USP25: variants seen among roughly 807,000 people sequenced by gnomAD.
USP25 encodes the protein ubiquitin carboxyl-terminal hydrolase 25.
USP25 carries 85 observed loss-of-function variants against 158.5 expected under a neutral mutation model. The ratio of observed to expected loss-of-function variants is 0.54; its 90% CI spans 0.45 to 0.64. The LOEUF (loss-of-function observed/expected upper bound fraction) is 0.64, where lower values mean the gene tolerates loss of function less well. Ranked by LOEUF, USP25 falls within the 30% of genes least tolerant of loss-of-function variation. The pLI is 0.00. For missense variants in USP25, 1,242 were observed against 1,327.3 expected (o/e 0.94, Z 1.00); for synonymous variants, 464 against 460.4 (o/e 1.01, Z -0.10).
At chr21:15,780,390 CT>C (rs1248587177) in intron 4 of USP25, among the ~76,000 whole-genome samples, 1 of 152,054 alleles carries the variant, frequency 6.6e-6, no homozygotes, top group Admixed American at 6.5e-5. Context: ...TTTATTATCT[CT>C]TGATTATCAC....
chr21:15,821,445 G>A (rs911977493), intron 10 of USP25, among the ~76,000 whole-genome samples: 1 of 151,796 alleles, frequency 6.6e-6, no homozygotes, highest in African/African-American at 2.4e-5. Context: ...AGAATCTTTG[G>A]GTCACAGGGC....
At chr21:15,823,670 T>G (rs182188451) in intron 10 of USP25, among the ~76,000 whole-genome samples, 1 of 152,242 alleles carries the variant, frequency 6.6e-6, no homozygotes, top group Admixed American at 6.5e-5. Context: ...ATGCTTTGGT[T>G]AAGTATAAGT....
chr21:15,856,643 T>C (rs990675092), intron 20 of USP25, among the ~76,000 whole-genome samples: 1 of 152,106 alleles, frequency 6.6e-6, no homozygotes, highest in African/African-American at 2.4e-5. Context: ...GGCTAATTTT[T>C]TGTATTTTTA....
intron 9 of USP25, among the ~76,000 whole-genome samples, chr21:15,814,503 TTTGACAAAAATG>T (rs1355373754): frequency 1.7e-4 from 26 of 152,272 alleles, no homozygotes; most frequent in African/African-American, 6.3e-4. Flanking sequence ...GTTGAATGGC[TTTGACAAAAATG>T]CTGATAGTGA....
In USP25 at chr21:15,877,864, T is replaced by C. The variant is rs771404854; in HGVS notation, c.3078T>C (p.Ile1026=). The C allele has an allele frequency of 3.7e-6, 6 of 1,613,500 alleles. No individual in the cohort carries two copies. Among genetic ancestry groups the C allele is most frequent in the Admixed American group, 3.3e-5 (2 of 59,962 alleles). ...ATCGAGAAGTAAACAATGGTTTGAT[T>C]ATCATGAATGAGTTTATTGTCCCAT... is the stretch of plus-strand genomic sequence containing the variant. The part of the protein sequence containing the change: ...GEDREVNNGL[I]IMNEFIVPFL... Residue 1026 remains isoleucine, a synonymous_variant, in exon 25 of 26, where the codon ATT becomes ATC. Coordinates refer to ENST00000400183, the MANE Select transcript of USP25 (RefSeq NM_001283041.3).
intron 8 of USP25, among the ~76,000 whole-genome samples, chr21:15,810,135 C>T (rs1275885002): frequency 1.3e-5 from 2 of 152,050 alleles, no homozygotes; most frequent in Non-Finnish European, 2.9e-5. Context: ...TACATTTTAT[C>T]ACAGTTTTAA....
intron 10 of USP25, among the ~76,000 whole-genome samples, chr21:15,822,674 G>A (rs2037292041): frequency 6.6e-6 from 1 of 151,884 alleles, no homozygotes. Flanking sequence ...TGATGTGTCT[G>A]GGGTAATGTT....
intron 14 of USP25, among the ~76,000 whole-genome samples, chr21:15,829,190 C>A (rs2037677300): frequency 6.6e-6 from 1 of 151,806 alleles, no homozygotes; most frequent in Non-Finnish European, 1.5e-5. Flanking sequence ...TTCAGGGGTA[C>A]ATGTGCAGGT....
At chr21:15,877,757 C>T in intron 24 of USP25, 39 bp from the exon 25 acceptor site, 2 of 1,453,214 alleles carry the variant, frequency 1.4e-6, no homozygotes, top group Admixed American at 2.3e-5. Flanking sequence ...AAAAAGGAAA[C>T]AAAAACCTAT....
intron 3 of USP25, among the ~76,000 whole-genome samples, chr21:15,767,340 AT>A (rs1464316778): frequency 1.3e-5 from 2 of 152,042 alleles, no homozygotes; most frequent in South Asian, 2.1e-4. Flanking sequence ...GTCTTGAAAG[AT>A]TTAGCTAAAG....
At position 15,824,109 on chromosome 21, in the gene USP25, G is replaced by A; in HGVS notation, c.1151G>A (p.Gly384Glu). 1 of 1,613,476 alleles carries A rather than the reference G, an allele frequency of 6.2e-7. No individual in the cohort carries two copies. The highest frequency in any genetic ancestry group is 1.7e-4 in the Middle Eastern group (1 of 6,030). Residue 384 changes from glycine (G) to glutamate (E), a missense_variant, in exon 11 of 26, where the codon GGA (glycine) becomes GAA (glutamate). Gly to Glu is a moderately conservative substitution (Grantham distance 98). Transcript: ENST00000400183. Reference protein sequence around the residue: ...LSRFEFNQALGRPEKIHNKLE... With the variant: ...LSRFEFNQALERPEKIHNKLE... ...AGATTTGAATTTAATCAGGCATTGG[G>A]AAGACCAGAAAAAATTCACAACAAA...
At chr21:15,771,790 C>T (rs2034371584) in intron 3 of USP25, among the ~76,000 whole-genome samples, 1 of 151,996 alleles carries the variant, frequency 6.6e-6, no homozygotes, top group Non-Finnish European at 1.5e-5. Flanking sequence ...TACTCCTGCC[C>T]TGCTACATAT....
intron 1 of USP25, among the ~76,000 whole-genome samples, chr21:15,751,748 C>T (rs1201122476): frequency 6.6e-6 from 1 of 152,142 alleles, no homozygotes; most frequent in Non-Finnish European, 1.5e-5. Context: ...ACTGAAAATA[C>T]ATGTTCCCAT....
At chr21:15,809,022 A>C (rs1164427113) in intron 8 of USP25, 137 bp downstream of exon 8, 1 of 624,870 alleles carries the variant, frequency 1.6e-6, no homozygotes, top group African/African-American at 1.9e-5. Flanking sequence ...CAAGCTGTTT[A>C]GAATTTGCAG....
At chr21:15,853,342 C>A (rs1190282421) in intron 20 of USP25, among the ~76,000 whole-genome samples, 1 of 152,086 alleles carries the variant, frequency 6.6e-6, no homozygotes, top group Middle Eastern at 3.2e-3. Flanking sequence ...TGTACACATA[C>A]ATGTACACAC....
intron 4 of USP25, among the ~76,000 whole-genome samples, chr21:15,785,594 G>A (rs2035226196): frequency 6.6e-6 from 1 of 152,132 alleles, no homozygotes; most frequent in Admixed American, 6.5e-5. Flanking sequence ...AAATTAAAAG[G>A]GTAATTAGAA....
chr21:15,809,781 A>C (rs2036567963), intron 8 of USP25, among the ~76,000 whole-genome samples: 1 of 152,326 alleles, frequency 6.6e-6, no homozygotes, highest in African/African-American at 2.4e-5. Flanking sequence ...TGGATAAACA[A>C]AATGTGCTGT....
At chr21:15,810,241 G>A (rs2036590887) in intron 8 of USP25, among the ~76,000 whole-genome samples, 1 of 151,988 alleles carries the variant, frequency 6.6e-6, no homozygotes, top group Admixed American at 6.6e-5. Context: ...TACCTACTGG[G>A]GTTCTTGTAA....
At position 15,847,781 on chromosome 21, in the gene USP25, C is replaced by T; in HGVS notation, c.2451+5C>T. 6.6e-7 allele frequency: 1 copy of T among 1,523,652 alleles called. No individual in the cohort carries two copies. 94.4% of individuals were successfully genotyped at this position (1,523,652 alleles called of 1,614,324 possible). On this transcript the variant is annotated splice_donor_5th_base_variant and intron_variant, in intron 19 of 25. Coordinates refer to ENST00000400183, the MANE Select transcript of USP25 (RefSeq NM_001283041.3). ...GAGGGGGGGTATGATGACGAGGTAC[C>T]TTTTACAGCCCTCTGCACCATTGCT...
Sources: gnomAD v4.1 joint callset for allele counts (sites outside exome capture counted in the v4.1 genomes callset) on GRCh38, gnomAD v4.1.1 for gene constraint, MANE v1.5 for transcripts, NCBI Gene and HGNC (gene_info 2026-07-23, HGNC 2026-07-21) for gene names.